GPC6: variants seen among roughly 807,000 people sequenced by gnomAD.
The protein encoded by GPC6 is glypican-6.
GPC6 carries 14 observed loss-of-function variants against 55.2 expected under a neutral mutation model. That is an observed-to-expected ratio of 0.25 (90% CI 0.17 to 0.40). The LOEUF (loss-of-function observed/expected upper bound fraction) is 0.40, where lower values mean the gene tolerates loss of function less well. Ranked by LOEUF, GPC6 falls within the 10% of genes least tolerant of loss-of-function variation. GPC6 has a pLI of 1.00. For synonymous variants in GPC6, 278 were observed against 259.6 expected, an observed-to-expected ratio of 1.07 and a Z score of -0.68; for missense variants, 641 against 708.5, an observed-to-expected ratio of 0.90 and a Z score of 1.08.
At chr13:93,502,323 C>T (rs1880552814) in intron 1 of GPC6, among the ~76,000 whole-genome samples, 1 of 151,802 alleles carries the variant, frequency 6.6e-6, no homozygotes, top group African/African-American at 2.4e-5. Flanking sequence ...AGAGAAATTT[C>T]ACTAATGTAA....
chr13:94,083,737 A>AT (rs1885188109), intron 4 of GPC6, among the ~76,000 whole-genome samples: 1 of 152,198 alleles, frequency 6.6e-6, no homozygotes, highest in Admixed American at 6.5e-5. Context: ...ACTAGTATTA[A>AT]TAAACACTTA....
chr13:94,033,293 G>A (rs1364609826), intron 4 of GPC6, among the ~76,000 whole-genome samples: 1 of 152,164 alleles, frequency 6.6e-6, no homozygotes, highest in African/African-American at 2.4e-5. Context: ...CTGCTATCAA[G>A]TTGTAAATTA....
intron 4 of GPC6, among the ~76,000 whole-genome samples, chr13:94,224,282 T>TATATATATCA (rs1213604852): frequency 7.9e-6 from 1 of 127,058 alleles, no homozygotes; most frequent in African/African-American, 3.0e-5. Flanking sequence ...TATATATATA[T>TATATATATCA]ATCAAATATA....
At chr13:93,709,786 A>G (rs898092527) in intron 2 of GPC6, among the ~76,000 whole-genome samples, 2 of 151,792 alleles carry the variant, frequency 1.3e-5, no homozygotes, top group East Asian at 1.9e-4. Flanking sequence ...TGTCAGGCCT[A>G]TTTTGGATGT....
intron 1 of GPC6, among the ~76,000 whole-genome samples, chr13:93,517,253 C>T (rs1881240091): frequency 1.3e-5 from 2 of 152,054 alleles, no homozygotes; most frequent in African/African-American, 4.8e-5. Flanking sequence ...TTAGGAAGAA[C>T]AAATGTAAGA....
At chr13:93,942,772 A>G (rs1338503914) in intron 3 of GPC6, among the ~76,000 whole-genome samples, 1 of 152,216 alleles carries the variant, frequency 6.6e-6, no homozygotes, top group Non-Finnish European at 1.5e-5. Flanking sequence ...AGGGATCTAC[A>G]TACTGCCAAC....
intron 3 of GPC6, among the ~76,000 whole-genome samples, chr13:93,995,023 A>G (rs1371861467): frequency 1.3e-5 from 2 of 152,044 alleles, no homozygotes; most frequent in African/African-American, 4.8e-5. Context: ...GCCTGATTTC[A>G]GTTTGTTAGA....
At chr13:93,936,075 T>C (rs1878421480) in intron 3 of GPC6, among the ~76,000 whole-genome samples, 1 of 152,214 alleles carries the variant, frequency 6.6e-6, no homozygotes, top group Non-Finnish European at 1.5e-5. Context: ...ATATACATGA[T>C]ATCACTCACC....
intron 3 of GPC6, among the ~76,000 whole-genome samples, chr13:93,913,642 G>A (rs1314901527): frequency 6.6e-6 from 1 of 152,016 alleles, no homozygotes; most frequent in Non-Finnish European, 1.5e-5. Flanking sequence ...AATTTCATGT[G>A]GGAATTAAAC....
At chr13:94,231,097 A>G (rs1890712392) in intron 4 of GPC6, among the ~76,000 whole-genome samples, 1 of 152,154 alleles carries the variant, frequency 6.6e-6, no homozygotes, top group South Asian at 2.1e-4. Flanking sequence ...GTTCACTACT[A>G]GACCCCTAGA....
intron 1 of GPC6, among the ~76,000 whole-genome samples, chr13:93,376,503 T>C (rs1047026880): frequency 6.6e-5 from 10 of 152,192 alleles, no homozygotes; most frequent in Non-Finnish European, 1.0e-4. Context: ...ATCACAATTA[T>C]TGAACTCCTG....
intron 3 of GPC6, among the ~76,000 whole-genome samples, chr13:94,005,332 C>T (rs564021799): frequency 6.6e-6 from 1 of 152,212 alleles, no homozygotes; most frequent in South Asian, 2.1e-4. Flanking sequence ...TCCAGGCCTC[C>T]ACTGATAATC....
At chr13:94,110,754 G>T (rs566027551) in intron 4 of GPC6, among the ~76,000 whole-genome samples, 1 of 152,244 alleles carries the variant, frequency 6.6e-6, no homozygotes, top group South Asian at 2.1e-4. Flanking sequence ...AAAAGATTTA[G>T]ATGTGTAGAA....
At chr13:93,699,192 A>G (rs530808950) in intron 2 of GPC6, among the ~76,000 whole-genome samples, 1 of 152,284 alleles carries the variant, frequency 6.6e-6, no homozygotes, top group African/African-American at 2.4e-5. Flanking sequence ...CAGAGATTTC[A>G]ACTCTCATTT....
intron 7 of GPC6, among the ~76,000 whole-genome samples, chr13:94,395,980 A>G (rs991748086): frequency 3.3e-5 from 5 of 152,172 alleles, no homozygotes; most frequent in African/African-American, 1.2e-4. Flanking sequence ...GCTGGAGGTC[A>G]AGAGGCGGGA....
chr13:93,550,749 G>T (rs921016436), intron 2 of GPC6, among the ~76,000 whole-genome samples: 9 of 151,972 alleles, frequency 5.9e-5, no homozygotes, highest in African/African-American at 1.9e-4. Context: ...TTTCCATATG[G>T]TGATAGCATC....
chr13:94,161,652 C>T (rs1888169223), intron 4 of GPC6, among the ~76,000 whole-genome samples: 1 of 152,040 alleles, frequency 6.6e-6, no homozygotes, highest in South Asian at 2.1e-4. Context: ...AAGAGTATGG[C>T]CATTCATCAG....
In GPC6 at chr13:93,870,800, A is replaced by T. The variant is rs75947219; in HGVS notation, c.711+40255A>T. ...CAAAATAAAACAAGGTTTTGCCTCA[A>T]AATGAGACGGGGTTTTGCCATGTTG... On this transcript the variant is annotated intron_variant, in intron 3 of 8. Coordinates refer to ENST00000377047, the MANE Select transcript of GPC6 (RefSeq NM_005708.5). Among the ~76,000 whole-genome samples, 664 of 151,970 alleles carry T rather than the reference A, an allele frequency of 4.4e-3. 4 individuals carry two copies. Among genetic ancestry groups the T allele is most frequent in the African/African-American group, 0.015 (615 of 41,516 alleles).
chr13:93,748,970 A>G (rs1414208254), intron 2 of GPC6, among the ~76,000 whole-genome samples: 1 of 152,004 alleles, frequency 6.6e-6, no homozygotes, highest in Non-Finnish European at 1.5e-5. Flanking sequence ...CGTCATTTGT[A>G]TATTTTGTCT....
Sources: allele counts gnomAD v4.1 joint callset (sites outside exome capture counted in the v4.1 genomes callset), GRCh38; gene constraint gnomAD v4.1.1; transcripts MANE v1.5; gene names NCBI Gene and HGNC (gene_info 2026-07-23, HGNC 2026-07-21).